Variants in RNF13 observed in about 807,000 individuals in gnomAD.
RNF13 encodes ring finger protein 13.
A neutral mutation model predicts 37.7 loss-of-function variants in RNF13; 19 were observed. The observed-to-expected ratio is 0.50, with a 90% confidence interval of 0.35 to 0.74. The LOEUF (loss-of-function observed/expected upper bound fraction) is 0.74. RNF13 is among the 30% of genes least tolerant of loss of function. The pLI, the probability that RNF13 is intolerant of heterozygous loss-of-function variation, is 0.01. For synonymous variants in RNF13, 144 were observed against 157.8 expected (o/e 0.91, Z 0.65); for missense variants, 375 against 453.0 (o/e 0.83, Z 1.56).
chr3:149,951,694 T>A (rs1304355577), intron 8 of RNF13, among the ~76,000 whole-genome samples: 1 of 152,168 alleles, frequency 6.6e-6, no homozygotes, highest in Non-Finnish European at 1.5e-5. Flanking sequence ...AATTTCACAT[T>A]TTAGGTCTTA....
At chr3:149,941,889 A>ATATTTATTTATTTATTTATTTATTTATT (rs58521010) in intron 8 of RNF13, among the ~76,000 whole-genome samples, 4 of 144,290 alleles carry the variant, frequency 2.8e-5, no homozygotes, top group Non-Finnish European at 4.5e-5. Flanking sequence ...GTCCAGCTTA[A>ATATTTATTTATTTATTTATTTATTTATT]TATTTATTTA....
At chr3:149,814,011 T>G (rs1456212005) in intron 1 of RNF13, 1 of 152,230 alleles carries the variant, frequency 6.6e-6, no homozygotes, top group Non-Finnish European at 1.5e-5. Context: ...CACTCAGTTT[T>G]CTCTGCCAGT....
rs939468937 is a variant in RNF13, at chr3:149,865,343, T to TATATATATATATATATATATATATATATA, written c.196-6678_196-6677insATATATATATATATATATATAATATATAT. ...GATGTTTTGGTGATATATATATATA[T>TATATATATATATATATATATATATATATA]ATATATATGTATAAAACAGACATTA... On this transcript the variant is annotated intron_variant, in intron 3 of 9. Transcript: ENST00000392894. Among the ~76,000 whole-genome samples, 416 of 146,918 alleles carry TATATATATATATATATATATATATATATA rather than the reference T, an allele frequency of 2.8e-3. 3 individuals carry two copies. The highest frequency in any genetic ancestry group is 3.9e-3 in the South Asian group (18 of 4,638).
intron 8 of RNF13, among the ~76,000 whole-genome samples, chr3:149,949,769 C>A (rs1357523292): frequency 8.3e-6 from 1 of 120,638 alleles, no homozygotes; most frequent in Non-Finnish European, 1.8e-5. Context: ...TCTTTTTCTT[C>A]TTTCTTTTTT....
At chr3:149,843,015 G>A (rs911410915) in intron 1 of RNF13, among the ~76,000 whole-genome samples, 6 of 151,872 alleles carry the variant, frequency 4.0e-5, no homozygotes, top group African/African-American at 4.8e-5. Context: ...TGTGCAGTTC[G>A]CCCTCCGTAT....
intron 8 of RNF13, among the ~76,000 whole-genome samples, chr3:149,923,419 C>CT (rs1441496219): frequency 4.6e-5 from 7 of 151,972 alleles, no homozygotes; most frequent in African/African-American, 1.7e-4. Context: ...TAGACCAGAA[C>CT]TAGTTTGAAG....
chr3:149,906,396 C>T (rs1016551970), intron 6 of RNF13, among the ~76,000 whole-genome samples: 1 of 152,004 alleles, frequency 6.6e-6, no homozygotes, highest in Non-Finnish European at 1.5e-5. Context: ...ATGTTTAACA[C>T]TTTGAGGAAC....
chr3:149,874,934 T>C (rs1712516753), intron 4 of RNF13, among the ~76,000 whole-genome samples: 1 of 152,152 alleles, frequency 6.6e-6, no homozygotes, highest in African/African-American at 2.4e-5. Context: ...CTGCATTTAA[T>C]GAGCTTCCAA....
intron 4 of RNF13, among the ~76,000 whole-genome samples, chr3:149,877,839 C>G (rs1028837495): frequency 6.6e-6 from 1 of 152,092 alleles, no homozygotes; most frequent in Non-Finnish European, 1.5e-5. Context: ...ACAGTTCTAT[C>G]CATATATAGT....
At chr3:149,898,532 A>G (rs750073671) in intron 5 of RNF13, among the ~76,000 whole-genome samples, 2 of 152,146 alleles carry the variant, frequency 1.3e-5, no homozygotes, top group Non-Finnish European at 2.9e-5. Context: ...GACCTTGGGT[A>G]TATTACCTAA....
chr3:149,845,740 A>G (rs1182352218), intron 1 of RNF13: 1 of 239,462 alleles, frequency 4.2e-6, no homozygotes, highest in Non-Finnish European at 8.0e-6. Context: ...GCTGTACTAT[A>G]AACTGAGCAC....
At chr3:149,863,457 G>C (rs1472490891) in intron 3 of RNF13, among the ~76,000 whole-genome samples, 1 of 152,136 alleles carries the variant, frequency 6.6e-6, no homozygotes, top group Non-Finnish European at 1.5e-5. Context: ...TCAGCTCACT[G>C]CAAGCTATGC....
intron 1 of RNF13, among the ~76,000 whole-genome samples, chr3:149,843,719 T>C (rs574616144): frequency 6.6e-6 from 1 of 152,360 alleles, no homozygotes; most frequent in East Asian, 1.9e-4. Context: ...GATGCTGTTT[T>C]CAGTAGGGGT....
At chr3:149,879,699 A>G (rs1187164686) in intron 4 of RNF13, among the ~76,000 whole-genome samples, 32 of 152,158 alleles carry the variant, frequency 2.1e-4, no homozygotes, top group Admixed American at 2.1e-3. Flanking sequence ...ATTTGCACTA[A>G]TTTTACATTG....
At chr3:149,919,666 G>A (rs1282432470) in intron 7 of RNF13, among the ~76,000 whole-genome samples, 6 of 152,108 alleles carry the variant, frequency 3.9e-5, no homozygotes, top group Non-Finnish European at 5.9e-5. Context: ...TCAACATTTG[G>A]GTTGTTTCTA....
intron 1 of RNF13, among the ~76,000 whole-genome samples, chr3:149,840,719 G>A (rs1722095204): frequency 6.6e-6 from 1 of 152,042 alleles, no homozygotes; most frequent in African/African-American, 2.4e-5. Context: ...CAGGGGTTCT[G>A]ATTGGTATCC....
chr3:149,842,500 T>C lies in RNF13; in HGVS notation c.-16-3511T>C, dbSNP rs75772453. On this transcript the variant is annotated intron_variant, in intron 1 of 9. Transcript: ENST00000392894. Reference sequence around the variant, plus strand: ...TAAAGCAATTTTTGTAGTTTAAATATTTACCTCCAAATTACACTATTAGTA... The same window carrying C: ...TAAAGCAATTTTTGTAGTTTAAATACTTACCTCCAAATTACACTATTAGTA... 4.3e-3 allele frequency among the ~76,000 whole-genome samples: 656 copies of C among 152,322 alleles called. 3 individuals are homozygous for C. Among genetic ancestry groups the C allele is most frequent in the Non-Finnish European group, 7.3e-3 (498 of 68,036 alleles).
chr3:149,890,610 G>A (rs906235303), intron 4 of RNF13, among the ~76,000 whole-genome samples: 1 of 152,300 alleles, frequency 6.6e-6, no homozygotes, highest in African/African-American at 2.4e-5. Flanking sequence ...ATAAAAGTAG[G>A]ATTTGAGCCC....
intron 3 of RNF13, among the ~76,000 whole-genome samples, chr3:149,869,402 G>A (rs1241618596): frequency 4.0e-5 from 6 of 151,452 alleles, no homozygotes; most frequent in Non-Finnish European, 8.9e-5. Flanking sequence ...TCAGGAGATC[G>A]AGACCATCCC....
Sources: allele counts gnomAD v4.1 joint callset (sites outside exome capture counted in the v4.1 genomes callset), GRCh38; gene constraint gnomAD v4.1.1; transcripts MANE v1.5; gene names NCBI Gene and HGNC (gene_info 2026-07-23, HGNC 2026-07-21).